The following RPSA2 variants were observed in gnomAD, a reference collection of about 807,000 sequenced individuals.
The protein encoded by RPSA2 is small ribosomal subunit protein uS2B.
the RPSA2 span, among the ~76,000 whole-genome samples, chr19:23,837,249 C>T: frequency 2.0e-5 from 3 of 152,118 alleles, no homozygotes; most frequent in East Asian, 5.8e-4. Context: ...GTGTCCTTTC[C>T]CCACTTTATG....
chr19:23,801,870 C>T, the RPSA2 span, among the ~76,000 whole-genome samples: 67 of 152,204 alleles, frequency 4.4e-4, no homozygotes, highest in East Asian at 0.012. Flanking sequence ...TACTTATATT[C>T]ATGTTGTGTC....
the RPSA2 span, among the ~76,000 whole-genome samples, chr19:23,797,666 A>T: frequency 6.6e-6 from 1 of 152,190 alleles, no homozygotes; most frequent in East Asian, 1.9e-4. Context: ...TCTGTCTATT[A>T]GTGCCTGTGG....
chr19:23,815,708 T>G, the RPSA2 span, among the ~76,000 whole-genome samples: 1 of 152,228 alleles, frequency 6.6e-6, no homozygotes, highest in Non-Finnish European at 1.5e-5. Context: ...TTGTTGATTT[T>G]TTAATCTGAA....
the RPSA2 span, among the ~76,000 whole-genome samples, chr19:23,786,439 C>T: frequency 2.0e-5 from 3 of 152,066 alleles, no homozygotes; most frequent in Non-Finnish European, 4.4e-5. Context: ...TGATTTGACT[C>T]TTCTTTTTTT....
chr19:23,861,539 GTAT>G, the RPSA2 span, among the ~76,000 whole-genome samples: 2 of 152,100 alleles, frequency 1.3e-5, no homozygotes, highest in Non-Finnish European at 2.9e-5. Context: ...ATCCTTGGCA[GTAT>G]TTTTTCAGGG....
chr19:23,803,248 T>TC, the RPSA2 span, among the ~76,000 whole-genome samples: 2 of 152,002 alleles, frequency 1.3e-5, no homozygotes, highest in Non-Finnish European at 2.9e-5. Context: ...GTGGCCATAC[T>TC]CTGGAGTCTT....
chr19:23,845,448 TTG>T, the RPSA2 span, among the ~76,000 whole-genome samples: 1 of 152,070 alleles, frequency 6.6e-6, no homozygotes, highest in East Asian at 2.0e-4. Flanking sequence ...TTTTATTATA[TTG>T]TGTTTCTATT....
the RPSA2 span, among the ~76,000 whole-genome samples, chr19:23,823,225 G>A: frequency 1.8e-4 from 27 of 152,176 alleles, no homozygotes; most frequent in East Asian, 4.8e-3. Context: ...CATGCTAATC[G>A]GGTGGGTTTT....
chr19:23,855,808 G>A, the RPSA2 span, among the ~76,000 whole-genome samples: 1 of 152,090 alleles, frequency 6.6e-6, no homozygotes, highest in Non-Finnish European at 1.5e-5. Context: ...AGGGTGAGGA[G>A]CTGCAGTAGA....
At chr19:23,845,757 G>T in the RPSA2 span, among the ~76,000 whole-genome samples, 1 of 152,204 alleles carries the variant, frequency 6.6e-6, no homozygotes, top group East Asian at 1.9e-4. Context: ...CTCACAAAGT[G>T]CTGGGATTAC....
the RPSA2 span, among the ~76,000 whole-genome samples, chr19:23,859,603 G>C: frequency 7.1e-6 from 1 of 141,372 alleles, no homozygotes; most frequent in Admixed American, 7.5e-5. Flanking sequence ...CTCCAGCCTG[G>C]GCAACAATAA....
At chr19:23,784,635 A>T in the RPSA2 span, among the ~76,000 whole-genome samples, 2 of 152,168 alleles carry the variant, frequency 1.3e-5, no homozygotes, top group Non-Finnish European at 2.9e-5. Flanking sequence ...ATGTCGTAGG[A>T]GTACACAGCA....
chr19:23,791,826 A>T, the RPSA2 span, among the ~76,000 whole-genome samples: 2 of 149,848 alleles, frequency 1.3e-5, no homozygotes, highest in Non-Finnish European at 3.0e-5. Context: ...TGCAACCTCC[A>T]CCTTCTGGGT....
chr19:23,862,818 G>A, the RPSA2 span, among the ~76,000 whole-genome samples: 148,216 of 151,514 alleles, frequency 0.98, 72,584 homozygotes, highest in Middle Eastern at 1. Context: ...ATAGCTGGCT[G>A]CCTCTCTGGG....
chr19:23,768,103 C>T, the RPSA2 span, among the ~76,000 whole-genome samples: 107 of 152,074 alleles, frequency 7.0e-4, no homozygotes, highest in Middle Eastern at 3.4e-3. Context: ...TACATTTCAT[C>T]AGAAGAGCTT....
the RPSA2 span, among the ~76,000 whole-genome samples, chr19:23,787,861 T>C: frequency 6.6e-6 from 1 of 152,240 alleles, no homozygotes; most frequent in Non-Finnish European, 1.5e-5. Context: ...TTGTGACATA[T>C]TGCTGCGCCC....
chr19:23,773,125 ATCTC>A, the RPSA2 span, among the ~76,000 whole-genome samples: 1 of 149,976 alleles, frequency 6.7e-6, no homozygotes, highest in South Asian at 2.1e-4. Flanking sequence ...TGGATGGAGT[ATCTC>A]TCTGTTGCCC....
chr19:23,855,545 A>G, the RPSA2 span, among the ~76,000 whole-genome samples: 13 of 152,184 alleles, frequency 8.5e-5, no homozygotes, highest in Admixed American at 3.3e-4. Flanking sequence ...TTGGCATAAT[A>G]AGCGTTGGGT....
the RPSA2 span, among the ~76,000 whole-genome samples, chr19:23,814,216 TA>T: frequency 5.6e-5 from 8 of 143,654 alleles, no homozygotes; most frequent in African/African-American, 7.6e-5. Flanking sequence ...CATTTCAAAA[TA>T]AAAAAAAAAA....
Sources: allele counts gnomAD v4.1 joint callset (sites outside exome capture counted in the v4.1 genomes callset), GRCh38; gene constraint gnomAD v4.1.1; transcripts MANE v1.5; gene names NCBI Gene and HGNC (gene_info 2026-07-23, HGNC 2026-07-21).